Variants in PDE7B observed in about 807,000 individuals in gnomAD.
The protein encoded by PDE7B is 3',5'-cyclic-AMP phosphodiesterase 7B.
In PDE7B, 29 loss-of-function variants were observed where a neutral mutation model predicts 56.2. That is an observed-to-expected ratio of 0.52 (90% CI 0.38 to 0.70). PDE7B has a LOEUF of 0.70. PDE7B is among the 30% of genes least tolerant of loss of function. PDE7B has a pLI of 0.00. For synonymous variants in PDE7B, 197 were observed against 196.9 expected (o/e 1.00, Z 0.00); for missense variants, 490 against 565.0 (o/e 0.87, Z 1.35).
At position 135,858,847 on chromosome 6, in the gene PDE7B, A is replaced by G. The variant is rs117778431; in HGVS notation, c.21+6828A>G. ...TGATCAGTTCAGTTTAATTTTTCAC[A>G]TTAACTATACATGCAAAATTAGTAT... On this transcript the variant is annotated intron_variant, in intron 1 of 12. Transcript: ENST00000308191. Among the ~76,000 whole-genome samples the G allele has an allele frequency of 2.5e-3, 382 of 152,320 alleles. 2 individuals are homozygous for G. The highest frequency in any genetic ancestry group is 0.017 in the Middle Eastern group (5 of 294).
intron 1 of PDE7B, among the ~76,000 whole-genome samples, chr6:135,927,563 C>T (rs1042059477): frequency 7.2e-5 from 11 of 152,052 alleles, no homozygotes; most frequent in Non-Finnish European, 1.2e-4. Flanking sequence ...TGATTTCTTT[C>T]GGAAGCATTT....
chr6:135,933,431 A>C (rs997942677), intron 1 of PDE7B, among the ~76,000 whole-genome samples: 4 of 152,210 alleles, frequency 2.6e-5, no homozygotes, highest in African/African-American at 9.6e-5. Context: ...TTGGCCATGA[A>C]TTAAAGAGCA....
At chr6:136,025,589 C>T (rs1776138055) in intron 2 of PDE7B, among the ~76,000 whole-genome samples, 1 of 152,192 alleles carries the variant, frequency 6.6e-6, no homozygotes, top group Non-Finnish European at 1.5e-5. Flanking sequence ...GGAACCTAGC[C>T]TTTCTATCAC....
chr6:136,009,760 A>G (rs978157215), intron 2 of PDE7B, among the ~76,000 whole-genome samples: 3 of 152,216 alleles, frequency 2.0e-5, no homozygotes, highest in Non-Finnish European at 2.9e-5. Flanking sequence ...TTCTAGATAT[A>G]CAATCATGTC....
intron 3 of PDE7B, among the ~76,000 whole-genome samples, chr6:136,129,551 G>A (rs1421089378): frequency 1.3e-5 from 2 of 152,200 alleles, no homozygotes; most frequent in African/African-American, 2.4e-5. Flanking sequence ...TGGAAGGACA[G>A]GAGTGAGCTC....
intron 2 of PDE7B, among the ~76,000 whole-genome samples, chr6:135,973,067 A>C (rs1050412692): frequency 6.6e-6 from 1 of 152,210 alleles, no homozygotes; most frequent in African/African-American, 2.4e-5. Flanking sequence ...TTTACAGCAG[A>C]TATCTAGAGC....
intron 9 of PDE7B, among the ~76,000 whole-genome samples, chr6:136,178,113 A>G (rs1779008738): frequency 6.6e-6 from 1 of 152,212 alleles, no homozygotes; most frequent in Admixed American, 6.5e-5. Flanking sequence ...AATCATAAGT[A>G]ACAAGAAAAT....
intron 2 of PDE7B, among the ~76,000 whole-genome samples, chr6:136,036,134 G>C (rs1041237043): frequency 2.0e-5 from 3 of 152,192 alleles, no homozygotes; most frequent in African/African-American, 7.2e-5. Context: ...CTCAATCCTA[G>C]AGAGTCTTGA....
intron 2 of PDE7B, among the ~76,000 whole-genome samples, chr6:135,947,911 T>A (rs151119320): frequency 1.3e-3 from 199 of 152,198 alleles, no homozygotes; most frequent in African/African-American, 3.8e-3. Context: ...TACAAAACCC[T>A]TACTTAGAAT....
chr6:136,088,525 C>T (rs942999841), intron 2 of PDE7B, among the ~76,000 whole-genome samples: 3 of 152,050 alleles, frequency 2.0e-5, no homozygotes, highest in Admixed American at 1.3e-4. Flanking sequence ...GCATTACCAC[C>T]AATATCATAA....
chr6:135,870,957 T>G (rs1026809187), intron 1 of PDE7B, among the ~76,000 whole-genome samples: 18 of 149,750 alleles, frequency 1.2e-4, no homozygotes, highest in Non-Finnish European at 2.5e-4. Flanking sequence ...CCTATATTAT[T>G]GGAGCCCTGC....
At position 135,879,144 on chromosome 6, in the gene PDE7B, T is replaced by C. The variant is rs546579606; in HGVS notation, c.21+27125T>C. On this transcript the variant is annotated intron_variant, in intron 1 of 12. Transcript: ENST00000308191. ...TTAATTATAAAAAGATTTTATGCAG[T>C]TATTGGACGCCTCCCATGAATTGGA... Among the ~76,000 whole-genome samples, 3 of 152,200 alleles carry C rather than the reference T, an allele frequency of 2.0e-5. No individual in the cohort carries two copies. In the South Asian group the frequency reaches 6.2e-4, roughly 32 times the overall value.
intron 1 of PDE7B, among the ~76,000 whole-genome samples, chr6:135,889,784 C>T (rs1344586768): frequency 9.2e-6 from 1 of 108,292 alleles, no homozygotes; most frequent in East Asian, 3.0e-4. Flanking sequence ...GAGATGGAGT[C>T]TCACTCTGTC....
intron 3 of PDE7B, among the ~76,000 whole-genome samples, chr6:136,124,853 A>G (rs530399922): frequency 6.6e-6 from 1 of 152,314 alleles, no homozygotes; most frequent in East Asian, 1.9e-4. Context: ...GCAGCTGGAG[A>G]GTTTGCCCTA....
At chr6:135,929,842 G>A (rs1448235750) in intron 1 of PDE7B, among the ~76,000 whole-genome samples, 2 of 152,118 alleles carry the variant, frequency 1.3e-5, no homozygotes, top group African/African-American at 4.8e-5. Context: ...TAACCTGAAG[G>A]GCAGATAAGG....
intron 12 of PDE7B, among the ~76,000 whole-genome samples, chr6:136,191,273 A>G (rs942528987): frequency 1.3e-5 from 2 of 152,162 alleles, no homozygotes; most frequent in Admixed American, 6.5e-5. Flanking sequence ...GGTAGCCACC[A>G]TTATCTTGCT....
At chr6:135,907,072 G>T (rs936797649) in intron 1 of PDE7B, among the ~76,000 whole-genome samples, 1 of 145,880 alleles carries the variant, frequency 6.9e-6, no homozygotes, top group Non-Finnish European at 1.5e-5. Context: ...TTGGTGAACT[G>T]CAAACTCTGT....
chr6:136,102,845 T>C lies in PDE7B; in HGVS notation c.83-5886T>C, dbSNP rs143902176. Among the ~76,000 whole-genome samples, 32 of 152,322 alleles carry C rather than the reference T, an allele frequency of 2.1e-4. No homozygotes were observed. The East Asian group carries it at 4.2e-3, about 20-fold the overall frequency. On this transcript the variant is annotated intron_variant, in intron 2 of 12. Coordinates refer to ENST00000308191, the MANE Select transcript of PDE7B (RefSeq NM_018945.4). Reference sequence around the variant, plus strand: ...CTATTTACATATTCACTTTTCAGCATTCAAGTTCCAAAATGCACATTTGTC... The same window carrying C: ...CTATTTACATATTCACTTTTCAGCACTCAAGTTCCAAAATGCACATTTGTC...
At chr6:135,969,823 G>A (rs975748472) in intron 2 of PDE7B, among the ~76,000 whole-genome samples, 2 of 152,112 alleles carry the variant, frequency 1.3e-5, no homozygotes, top group Non-Finnish European at 2.9e-5. Context: ...CATTTTTAAT[G>A]TACTGTATAA....
Sources: gnomAD v4.1 joint callset for allele counts (sites outside exome capture counted in the v4.1 genomes callset) on GRCh38, gnomAD v4.1.1 for gene constraint, MANE v1.5 for transcripts, NCBI Gene and HGNC (gene_info 2026-07-23, HGNC 2026-07-21) for gene names.